SLCO5A1: variants seen among roughly 807,000 people sequenced by gnomAD.
The protein encoded by SLCO5A1 is solute carrier organic anion transporter family member 5A1.
In SLCO5A1, 39 loss-of-function variants were observed where a neutral mutation model predicts 65.1. The ratio of observed to expected loss-of-function variants is 0.60; its 90% CI spans 0.46 to 0.78. The LOEUF (loss-of-function observed/expected upper bound fraction) is 0.78, where lower values mean the gene tolerates loss of function less well. SLCO5A1 is among the 30% of genes least tolerant of loss of function. The pLI, the probability that SLCO5A1 is intolerant of heterozygous loss-of-function variation, is 0.00. For synonymous variants in SLCO5A1, 438 were observed against 415.7 expected, an observed-to-expected ratio of 1.05 and a Z score of -0.65; for missense variants, 1,029 against 1,069.4, an observed-to-expected ratio of 0.96 and a Z score of 0.53.
chr8:69,780,458 A>G (rs1490438323), intron 2 of SLCO5A1, among the ~76,000 whole-genome samples: 1 of 152,252 alleles, frequency 6.6e-6, no homozygotes, highest in Admixed American at 6.5e-5. Context: ...TACACAATGG[A>G]AAACTATTCA....
At chr8:69,744,358 A>G (rs1172192316) in intron 4 of SLCO5A1, among the ~76,000 whole-genome samples, 2 of 152,050 alleles carry the variant, frequency 1.3e-5, no homozygotes, top group African/African-American at 4.8e-5. Context: ...CATCCATGGC[A>G]TGGTCTTCTT....
At chr8:69,813,603 C>G (rs1045159705) in intron 2 of SLCO5A1, among the ~76,000 whole-genome samples, 1 of 152,182 alleles carries the variant, frequency 6.6e-6, no homozygotes, top group African/African-American at 2.4e-5. Context: ...TCCCCAGGGA[C>G]AGCTGTCCTA....
At chr8:69,689,896 G>A (rs1402431756) in intron 6 of SLCO5A1, among the ~76,000 whole-genome samples, 1 of 152,116 alleles carries the variant, frequency 6.6e-6, no homozygotes, top group Non-Finnish European at 1.5e-5. Flanking sequence ...GTAGCTTGAT[G>A]GGGATGGCAT....
intron 2 of SLCO5A1, among the ~76,000 whole-genome samples, chr8:69,806,693 C>G (rs1432403044): frequency 6.6e-6 from 1 of 152,188 alleles, no homozygotes; most frequent in African/African-American, 2.4e-5. Flanking sequence ...GAATATCAAA[C>G]CTTGGCTCCA....
intron 2 of SLCO5A1, among the ~76,000 whole-genome samples, chr8:69,825,152 C>T (rs904774356): frequency 1.3e-5 from 2 of 152,158 alleles, no homozygotes; most frequent in Non-Finnish European, 1.5e-5. Flanking sequence ...CTATCTCTGA[C>T]AAACCCACAG....
intron 2 of SLCO5A1, among the ~76,000 whole-genome samples, chr8:69,791,449 G>A (rs1172948035): frequency 6.6e-6 from 1 of 152,170 alleles, no homozygotes; most frequent in Non-Finnish European, 1.5e-5. Context: ...ACACTATATT[G>A]TTAAATTACA....
At chr8:69,692,696 C>T (rs1395926995) in intron 6 of SLCO5A1, among the ~76,000 whole-genome samples, 1 of 152,128 alleles carries the variant, frequency 6.6e-6, no homozygotes, top group Non-Finnish European at 1.5e-5. Flanking sequence ...TTAGCCTACA[C>T]CTACACAGGG....
chr8:69,719,156 A>G (rs1815701886), intron 5 of SLCO5A1, among the ~76,000 whole-genome samples: 1 of 152,236 alleles, frequency 6.6e-6, no homozygotes, highest in Non-Finnish European at 1.5e-5. Context: ...TGCTCTCTGA[A>G]TAAGATAGCT....
rs1813222102 is a variant in SLCO5A1, at chr8:69,667,730, G to A, written c.*5139C>T. The A allele has an allele frequency of 6.6e-6, 1 of 152,172 alleles. No homozygotes were observed. 9.4% of individuals were successfully genotyped at this position (152,172 alleles called of 1,614,324 possible). A position where few individuals can be genotyped will look rare whatever the true frequency, so the allele number is the denominator to read the frequency against. On this transcript the variant is annotated 3_prime_UTR_variant, in exon 10 of 10. Transcript: ENST00000260126. The stretch of plus-strand genomic sequence containing the variant: ...ACATGGGTGTAATCTTTTTGGAGAA[G>A]AAATAAGAAAAGGTTACCTGAAATA...
At chr8:69,765,127 C>T (rs1179399950) in intron 2 of SLCO5A1, among the ~76,000 whole-genome samples, 1 of 151,794 alleles carries the variant, frequency 6.6e-6, no homozygotes, top group Admixed American at 6.6e-5. Context: ...TATCTGTGTG[C>T]CTGTGTGTAT....
chr8:69,828,118 C>T (rs1820997029), intron 2 of SLCO5A1, among the ~76,000 whole-genome samples: 1 of 152,128 alleles, frequency 6.6e-6, no homozygotes, highest in Non-Finnish European at 1.5e-5. Flanking sequence ...TAATCTCCAT[C>T]TTATAAGGTC....
intron 4 of SLCO5A1, among the ~76,000 whole-genome samples, chr8:69,746,404 A>G (rs1817030327): frequency 6.6e-6 from 1 of 152,148 alleles, no homozygotes; most frequent in Non-Finnish European, 1.5e-5. Context: ...CAAGCAGACA[A>G]AGGCAGCTTA....
intron 5 of SLCO5A1, chr8:69,713,962 A>G (rs2130819245): frequency 6.6e-6 from 1 of 152,378 alleles, no homozygotes; most frequent in Admixed American, 6.5e-5. Flanking sequence ...AGTATCAACT[A>G]CTGTCAGAAG....
At position 69,827,453 on chromosome 8, in the gene SLCO5A1, A is replaced by G. The variant is rs765724727; in HGVS notation, c.907+4314T>C. ...GTGGCTATAAATGCTGCCGTATCTC[A>G]TCTACGACCACATCTCTTCTACAGT... On this transcript the variant is annotated intron_variant, in intron 2 of 9. Transcript: ENST00000260126. Among the ~76,000 whole-genome samples, 98 of 152,326 alleles carry G rather than the reference A, an allele frequency of 6.4e-4. 1 individual carries two copies. The Middle Eastern group carries it at 0.014, about 21-fold the overall frequency.
rs572168372 is a variant in SLCO5A1, at chr8:69,804,115, C to A, written c.907+27652G>T. Among the ~76,000 whole-genome samples the A allele has an allele frequency of 7.9e-5, 12 of 152,128 alleles. No homozygotes were observed. In the East Asian group the frequency reaches 2.1e-3, roughly 27 times the overall value. ...GAGTTGCCTTCCTTGTGGGAGCAAG[C>A]GAGAGACCATGCAAAAGTTAAGTCT... On this transcript the variant is annotated intron_variant, in intron 2 of 9. Coordinates refer to ENST00000260126, the MANE Select transcript of SLCO5A1 (RefSeq NM_030958.3).
At chr8:69,682,918 T>A (rs577602083) in intron 6 of SLCO5A1, among the ~76,000 whole-genome samples, 1 of 152,202 alleles carries the variant, frequency 6.6e-6, no homozygotes, top group African/African-American at 2.4e-5. Context: ...TGATTAGGAA[T>A]CACATTGCTA....
At chr8:69,795,126 A>C (rs895391740) in intron 2 of SLCO5A1, among the ~76,000 whole-genome samples, 6 of 152,130 alleles carry the variant, frequency 3.9e-5, no homozygotes, top group African/African-American at 1.4e-4. Flanking sequence ...GCGAGGACAC[A>C]AATCCAAGCC....
chr8:69,801,038 AC>A (rs1819713300), intron 2 of SLCO5A1, among the ~76,000 whole-genome samples: 2 of 152,164 alleles, frequency 1.3e-5, no homozygotes, highest in South Asian at 4.1e-4. Flanking sequence ...ACAATCCCAA[AC>A]TTTGCTGCTC....
At chr8:69,753,569 C>T (rs190139054) in intron 4 of SLCO5A1, among the ~76,000 whole-genome samples, 2 of 152,316 alleles carry the variant, frequency 1.3e-5, no homozygotes, top group African/African-American at 4.8e-5. Flanking sequence ...TATTTGATAT[C>T]AATCTTCTCC....
Sources: gnomAD v4.1 joint callset for allele counts (sites outside exome capture counted in the v4.1 genomes callset) on GRCh38, gnomAD v4.1.1 for gene constraint, MANE v1.5 for transcripts, NCBI Gene and HGNC (gene_info 2026-07-23, HGNC 2026-07-21) for gene names.